The following CIMIP6 variants were observed in gnomAD, a reference collection of about 807,000 sequenced individuals.
CIMIP6 encodes uncharacterized protein C2orf73.
At chr2:54,357,222 A>G in the CIMIP6 span, among the ~76,000 whole-genome samples, 3 of 152,232 alleles carry the variant, frequency 2.0e-5, no homozygotes, top group African/African-American at 4.8e-5. Flanking sequence ...CATGTAATGT[A>G]TAAGTATTTG....
the CIMIP6 span, chr2:54,331,060 G>T: frequency 1.5e-5 from 23 of 1,564,862 alleles, no homozygotes; most frequent in African/African-American, 2.7e-4. Context: ...CCTCCTTCAG[G>T]GGGAGGCCGG....
At chr2:54,373,730 T>C in the CIMIP6 span, among the ~76,000 whole-genome samples, 4 of 152,160 alleles carry the variant, frequency 2.6e-5, no homozygotes, top group Admixed American at 2.6e-4. Context: ...CCTCCACCTA[T>C]GTCCTTGGGC....
chr2:54,342,976 T>C, the CIMIP6 span, among the ~76,000 whole-genome samples: 1 of 152,194 alleles, frequency 6.6e-6, no homozygotes. Flanking sequence ...AGAAATCAAA[T>C]TGTCATACAT....
chr2:54,368,897 C>T, the CIMIP6 span, among the ~76,000 whole-genome samples: 3 of 152,110 alleles, frequency 2.0e-5, no homozygotes, highest in African/African-American at 7.2e-5. Context: ...GCCCTATATG[C>T]CTCTTTTATT....
At chr2:54,358,935 G>T in the CIMIP6 span, 9 of 1,270,422 alleles carry the variant, frequency 7.1e-6, no homozygotes, top group East Asian at 1.5e-4. Context: ...TTTTTGTCCT[G>T]ACTTCACAAA....
chr2:54,359,047 A>T, the CIMIP6 span: 1 of 1,540,934 alleles, frequency 6.5e-7, no homozygotes, highest in Admixed American at 2.0e-5. Flanking sequence ...ATGCCAGAAA[A>T]ACTCCGAATG....
the CIMIP6 span, among the ~76,000 whole-genome samples, chr2:54,358,456 C>T: frequency 6.6e-6 from 1 of 151,952 alleles, no homozygotes; most frequent in Non-Finnish European, 1.5e-5. Context: ...GGCTGAAGCA[C>T]AGTGGTGCAG....
chr2:54,334,234 T>G, the CIMIP6 span, among the ~76,000 whole-genome samples: 1 of 152,206 alleles, frequency 6.6e-6, no homozygotes, highest in African/African-American at 2.4e-5. Flanking sequence ...TTTATTTTAG[T>G]AATTTTCGTA....
the CIMIP6 span, among the ~76,000 whole-genome samples, chr2:54,378,540 A>C: frequency 5.3e-5 from 8 of 152,238 alleles, no homozygotes; most frequent in Non-Finnish European, 1.0e-4. Context: ...GAAAATATGC[A>C]TGTGAAATTA....
chr2:54,380,301 A>G, the CIMIP6 span, among the ~76,000 whole-genome samples: 15 of 152,202 alleles, frequency 9.9e-5, no homozygotes, highest in Non-Finnish European at 1.8e-4. Context: ...ACACTAATGT[A>G]TTGATGAGAC....
chr2:54,360,576 G>T, the CIMIP6 span: 1 of 1,462,424 alleles, frequency 6.8e-7, no homozygotes, highest in East Asian at 2.5e-5. Flanking sequence ...ACCTTCTTCA[G>T]ATAAAAATCT....
At chr2:54,342,605 C>G in the CIMIP6 span, among the ~76,000 whole-genome samples, 1 of 150,800 alleles carries the variant, frequency 6.6e-6, no homozygotes, top group Non-Finnish European at 1.5e-5. Flanking sequence ...CCTATGCAGC[C>G]ACATAGGTTT....
chr2:54,342,504 A>C, the CIMIP6 span, among the ~76,000 whole-genome samples: 4 of 149,590 alleles, frequency 2.7e-5, no homozygotes, highest in Non-Finnish European at 4.4e-5. Context: ...TGACAAGCTG[A>C]CTCCATTAAT....
the CIMIP6 span, among the ~76,000 whole-genome samples, chr2:54,368,326 C>G: frequency 6.6e-6 from 1 of 151,626 alleles, no homozygotes; most frequent in South Asian, 2.1e-4. Flanking sequence ...GTCTGGTATA[C>G]ATGGCTTTGT....
the CIMIP6 span, chr2:54,381,871 G>T: frequency 1.9e-6 from 3 of 1,547,740 alleles, no homozygotes; most frequent in Non-Finnish European, 2.6e-6. Flanking sequence ...AAGGAGCCAA[G>T]ACTGTAACAG....
the CIMIP6 span, among the ~76,000 whole-genome samples, chr2:54,371,559 G>A: frequency 1.3e-5 from 2 of 152,246 alleles, no homozygotes; most frequent in Non-Finnish European, 2.9e-5. Context: ...AAAGGCAGCT[G>A]TCTGGAGTTT....
At chr2:54,372,962 G>T in the CIMIP6 span, among the ~76,000 whole-genome samples, 1 of 151,986 alleles carries the variant, frequency 6.6e-6, no homozygotes, top group African/African-American at 2.4e-5. Context: ...TCACCAATGG[G>T]TCCCTCTGAG....
At chr2:54,363,081 T>A in the CIMIP6 span, among the ~76,000 whole-genome samples, 1 of 152,212 alleles carries the variant, frequency 6.6e-6, no homozygotes, top group Non-Finnish European at 1.5e-5. Flanking sequence ...GATATTGTAG[T>A]TATGCTTAAA....
chr2:54,346,075 G>T, the CIMIP6 span, among the ~76,000 whole-genome samples: 7 of 145,876 alleles, frequency 4.8e-5, no homozygotes, highest in African/African-American at 1.8e-4. Context: ...CACTGAGAAG[G>T]AAATGAAGTC....
Sources: gnomAD v4.1 joint callset for allele counts (sites outside exome capture counted in the v4.1 genomes callset) on GRCh38, gnomAD v4.1.1 for gene constraint, MANE v1.5 for transcripts, NCBI Gene and HGNC (gene_info 2026-07-23, HGNC 2026-07-21) for gene names.